POU2F1: variants seen among roughly 807,000 people sequenced by gnomAD.
POU2F1 encodes POU class 2 homeobox 1.
POU2F1 carries 16 observed loss-of-function variants against 84.9 expected under a neutral mutation model. The observed-to-expected ratio is 0.19, with a 90% confidence interval of 0.13 to 0.29. POU2F1 has a LOEUF of 0.29. POU2F1 is among the 10% of genes least tolerant of loss of function. The pLI is 1.00. For missense variants in POU2F1, 738 were observed against 942.6 expected (o/e 0.78, Z 2.84); for synonymous variants, 368 against 368.3 (o/e 1.00, Z 0.01).
At chr1:167,361,137 T>G (rs1659327524) in intron 2 of POU2F1, among the ~76,000 whole-genome samples, 1 of 152,062 alleles carries the variant, frequency 6.6e-6, no homozygotes, top group Non-Finnish European at 1.5e-5. Flanking sequence ...TTATATAATT[T>G]TACTTCTGCT....
intron 1 of POU2F1, among the ~76,000 whole-genome samples, chr1:167,327,785 C>T (rs190795126): frequency 6.6e-6 from 1 of 152,298 alleles, no homozygotes; most frequent in East Asian, 1.9e-4. Context: ...TAGCCAAGAG[C>T]ACAGATTCTG....
At chr1:167,262,517 C>A (rs573818430) in intron 1 of POU2F1, among the ~76,000 whole-genome samples, 1 of 152,310 alleles carries the variant, frequency 6.6e-6, no homozygotes, top group African/African-American at 2.4e-5. Context: ...AGTTCTTAAA[C>A]AGTTTAAGTT....
intron 1 of POU2F1, among the ~76,000 whole-genome samples, chr1:167,302,662 G>GA (rs1372697398): frequency 1.3e-5 from 2 of 152,252 alleles, no homozygotes; most frequent in East Asian, 3.9e-4. Context: ...TGAATGTACA[G>GA]AAAAAAGTTA....
intron 1 of POU2F1, among the ~76,000 whole-genome samples, chr1:167,308,202 A>G: frequency 6.6e-6 from 1 of 151,470 alleles, no homozygotes. Context: ...GAGTAGCTGG[A>G]ACTACAGGTG....
At chr1:167,229,603 G>A (rs1648906341) in intron 1 of POU2F1, among the ~76,000 whole-genome samples, 1 of 152,216 alleles carries the variant, frequency 6.6e-6, no homozygotes. Flanking sequence ...TAATACCAGT[G>A]TTAGAGGGAT....
chr1:167,335,396 C>G (rs1201330818), intron 2 of POU2F1, among the ~76,000 whole-genome samples: 1 of 152,024 alleles, frequency 6.6e-6, no homozygotes, highest in African/African-American at 2.4e-5. Context: ...GGTGGAAGGA[C>G]CCATCAGGGA....
At chr1:167,408,272 G>A (rs1425727303) in intron 13 of POU2F1, among the ~76,000 whole-genome samples, 1 of 152,196 alleles carries the variant, frequency 6.6e-6, no homozygotes, top group African/African-American at 2.4e-5. Flanking sequence ...GAACTTTCAT[G>A]CATTGCTTGT....
At chr1:167,248,638 C>T (rs1349220753) in intron 1 of POU2F1, among the ~76,000 whole-genome samples, 2 of 152,112 alleles carry the variant, frequency 1.3e-5, no homozygotes, top group Non-Finnish European at 2.9e-5. Context: ...AAGAAGATCC[C>T]CAGAGCTGAG....
intron 1 of POU2F1, among the ~76,000 whole-genome samples, chr1:167,243,782 C>A (rs6427079): frequency 1.3e-5 from 2 of 152,214 alleles, no homozygotes; most frequent in African/African-American, 4.8e-5. Context: ...GGCCTAAACT[C>A]TTTTCTTGAA....
intron 1 of POU2F1, among the ~76,000 whole-genome samples, chr1:167,261,837 A>G (rs187214477): frequency 6.6e-6 from 1 of 152,234 alleles, no homozygotes; most frequent in Non-Finnish European, 1.5e-5. Flanking sequence ...GGCACGTGCC[A>G]TCATGCCTGG....
rs371584071 is a variant in POU2F1 at position 167,389,338 on chromosome 1, A to C, written c.814-250A>C. Among the ~76,000 whole-genome samples, 12 of 152,282 alleles carry C rather than the reference A, an allele frequency of 7.9e-5. No homozygotes were observed. The South Asian group carries it at 2.5e-3, about 32-fold the overall frequency. On this transcript the variant is annotated intron_variant, in intron 8 of 15. Transcript: ENST00000367866. The stretch of plus-strand genomic sequence containing the variant: ...TGAAAACCCAGTTATAATAGGTTTC[A>C]TTTTTGTGTATTCATTTCATTTTTG...
intron 2 of POU2F1, among the ~76,000 whole-genome samples, chr1:167,363,050 T>TC (rs1271009993): frequency 2.0e-5 from 3 of 151,790 alleles, no homozygotes; most frequent in South Asian, 4.2e-4. Flanking sequence ...CAGCTCCTCC[T>TC]CCCCCCCAAG....
chr1:167,353,053 G>A (rs536870334), intron 2 of POU2F1, among the ~76,000 whole-genome samples: 7 of 152,154 alleles, frequency 4.6e-5, no homozygotes, highest in Non-Finnish European at 1.0e-4. Flanking sequence ...TGGCTATGAA[G>A]AGAAAAACAG....
In POU2F1 at chr1:167,415,589, G is replaced by A. The variant is rs777490929; in HGVS notation, c.2080G>A (p.Val694Met). 8.1e-6 allele frequency: 13 copies of A among 1,613,990 alleles called. No homozygotes were observed. The East Asian group carries it at 1.6e-4, about 19-fold the overall frequency. Reference protein sequence around the residue: ...FANAGGAPNIVTAPLFLNPQN... With the variant: ...FANAGGAPNIMTAPLFLNPQN... The stretch of plus-strand genomic sequence containing the variant: ...CAATGCGGGAGGAGCCCCCAACATC[G>A]TGACTGCCCCTCTGTTCCTGAACCC... Residue 694 changes from valine to methionine, a missense_variant, in exon 16 of 16, where the codon GTG becomes ATG. By Grantham distance (21) the Val-to-Met change is conservative. Coordinates refer to ENST00000367866, the MANE Select transcript of POU2F1 (RefSeq NM_002697.4).
At chr1:167,334,391 G>A (rs988431091) in intron 2 of POU2F1, among the ~76,000 whole-genome samples, 1 of 151,584 alleles carries the variant, frequency 6.6e-6, no homozygotes, top group African/African-American at 2.4e-5. Flanking sequence ...GAACTCTGTG[G>A]GCATTACCTG....
At chr1:167,415,413 T>G (rs1650234950) in intron 15 of POU2F1, 87 bp from the exon 16 acceptor site, 1 of 1,425,772 alleles carries the variant, frequency 7.0e-7, no homozygotes, top group Non-Finnish European at 9.6e-7. Context: ...TGTAGGAAAA[T>G]GATAGACTTT....
intron 1 of POU2F1, among the ~76,000 whole-genome samples, chr1:167,276,406 G>A (rs1397518094): frequency 1.3e-5 from 2 of 151,986 alleles, no homozygotes; most frequent in Non-Finnish European, 2.9e-5. Flanking sequence ...TATTCTTATT[G>A]TTAATCTTAC....
intron 1 of POU2F1, among the ~76,000 whole-genome samples, chr1:167,291,381 G>T (rs772242354): frequency 3.9e-5 from 6 of 152,196 alleles, no homozygotes; most frequent in Non-Finnish European, 5.9e-5. Flanking sequence ...TAGGACAGCG[G>T]TGCTTAAGCT....
intron 7 of POU2F1, chr1:167,376,723 A>G (rs1466766565): frequency 6.6e-6 from 1 of 152,246 alleles, no homozygotes; most frequent in Non-Finnish European, 1.5e-5. Flanking sequence ...CTTCAACCCA[A>G]GGAACATTAG....
Sources: allele counts gnomAD v4.1 joint callset (sites outside exome capture counted in the v4.1 genomes callset), GRCh38; gene constraint gnomAD v4.1.1; transcripts MANE v1.5; gene names NCBI Gene and HGNC (gene_info 2026-07-23, HGNC 2026-07-21).